The following KIAA0408 variants were observed in gnomAD, a reference collection of about 807,000 sequenced individuals.
KIAA0408 encodes the protein KIAA0408.
KIAA0408 carries 51 observed loss-of-function variants against 60.9 expected under a neutral mutation model. That is an observed-to-expected ratio of 0.84 (90% CI 0.67 to 1.06). KIAA0408 has a LOEUF of 1.06. Ranked by LOEUF, KIAA0408 falls within the 50% of genes least tolerant of loss-of-function variation. The pLI, the probability that KIAA0408 is intolerant of heterozygous loss-of-function variation, is 0.00. For synonymous variants in KIAA0408, 304 were observed against 282.4 expected, an observed-to-expected ratio of 1.08 and a Z score of -0.77; for missense variants, 787 against 833.9, an observed-to-expected ratio of 0.94 and a Z score of 0.69.
chr6:127,453,115 T>C (rs1773330273), intron 2 of KIAA0408, among the ~76,000 whole-genome samples: 1 of 152,090 alleles, frequency 6.6e-6, no homozygotes, highest in South Asian at 2.1e-4. Context: ...ATAAAGTCAA[T>C]ACTAAGGATG....
Position 127,446,596 on chromosome 6 carries a change from CTG to C in KIAA0408, c.1721_1722del (p.Thr574ArgfsTer8), listed in dbSNP as rs1175116428. The C allele has an allele frequency of 6.2e-6, 10 of 1,614,128 alleles. No individual in the cohort carries two copies. Among genetic ancestry groups the C allele is most frequent in the Non-Finnish European group, 8.5e-6 (10 of 1,180,034 alleles). On this transcript the variant is annotated frameshift_variant, in exon 5 of 6. Coordinates refer to ENST00000483725, the MANE Select transcript of KIAA0408 (RefSeq NM_014702.5). LOFTEE classifies it high-confidence loss of function. ...EKLLKTYETA[T>X]ESALQNSKCF... The stretch of plus-strand genomic sequence containing the variant: ...CACTTAGAATTTTGCAATGCAGACT[CTG>C]TTGCTGTCTCATAGGTTTTCAGCAG...
rs536120093 is a variant in KIAA0408 at position 127,450,282 on chromosome 6, T to C, written c.206A>G (p.His69Arg). ...CACTTTCTCTGGAATGGTCTTCTCA[T>C]GGTAAAGATCAATGATCTTAGCACT... ...NESAKIIDLY[H>R]EKTIPEKVIE... The change falls in exon 3 of 6, where the codon CAT (histidine) becomes CGT (arginine). Residue 69 changes from histidine (H) to arginine (R), a missense_variant. Physicochemically the swap from His to Arg is conservative, Grantham distance 29. Coordinates refer to ENST00000483725, the MANE Select transcript of KIAA0408 (RefSeq NM_014702.5). 7 of 1,613,816 alleles carry C rather than the reference T, an allele frequency of 4.3e-6. No individual in the cohort carries two copies. In the East Asian group the frequency reaches 1.6e-4, roughly 36 times the overall value.
chr6:127,440,324 CTTT>C lies in KIAA0408; in HGVS notation c.*3782_*3784del, dbSNP rs5879851. 4 of 124,922 alleles carry C rather than the reference CTTT, an allele frequency of 3.2e-5. No individual in the cohort carries two copies. Among genetic ancestry groups the C allele is most frequent in the Admixed American group, 8.4e-5 (1 of 11,894 alleles). 7.7% of individuals were successfully genotyped at this position (124,922 alleles called of 1,614,324 possible). Reference sequence around the variant, plus strand: ...GATGAACAAGTCATAGTTATAAGTTCTTTTTTTTTTTTTTTTTTGAGACAGAGT... The same window carrying C: ...GATGAACAAGTCATAGTTATAAGTTCTTTTTTTTTTTTTTTGAGACAGAGT... On this transcript the variant is annotated 3_prime_UTR_variant, in exon 6 of 6. Coordinates refer to ENST00000483725, the MANE Select transcript of KIAA0408 (RefSeq NM_014702.5).
intron 1 of KIAA0408, among the ~76,000 whole-genome samples, chr6:127,455,870 A>T (rs998523396): frequency 1.3e-5 from 2 of 152,138 alleles, no homozygotes; most frequent in African/African-American, 4.8e-5. Flanking sequence ...TGCCATAATA[A>T]ATGTCAGTGA....
Position 127,440,172 on chromosome 6 carries a change from A to T in KIAA0408, c.*3937T>A, listed in dbSNP as rs1773081835. The T allele has an allele frequency of 1.3e-5, 2 of 152,176 alleles. No homozygotes were observed. The highest frequency in any genetic ancestry group is 2.9e-5 in the Non-Finnish European group (2 of 68,034). 9.4% of individuals were successfully genotyped at this position (152,176 alleles called of 1,614,324 possible). Reference sequence around the variant, plus strand: ...ATAAAACAAAAAATTATTTTCTATGATGAATATGCATACAATAAAAATGAC... The same window carrying T: ...ATAAAACAAAAAATTATTTTCTATGTTGAATATGCATACAATAAAAATGAC... On this transcript the variant is annotated 3_prime_UTR_variant, in exon 6 of 6. Coordinates refer to ENST00000483725, the MANE Select transcript of KIAA0408 (RefSeq NM_014702.5).
chr6:127,452,496 A>G (rs1156494360), intron 2 of KIAA0408, among the ~76,000 whole-genome samples: 1 of 152,180 alleles, frequency 6.6e-6, no homozygotes, highest in Admixed American at 6.6e-5. Flanking sequence ...CTAATTGATA[A>G]AGCTAATATT....
chr6:127,449,732 C>A, intron 4 of KIAA0408, 90 bp downstream of exon 4: 2 of 1,516,276 alleles, frequency 1.3e-6, no homozygotes, highest in East Asian at 4.6e-5. Flanking sequence ...TTAGTTCTTA[C>A]ATGTAAGGAG....
chr6:127,454,520 A>C (rs1291427533), intron 1 of KIAA0408, among the ~76,000 whole-genome samples: 2 of 152,140 alleles, frequency 1.3e-5, no homozygotes, highest in East Asian at 3.9e-4. Flanking sequence ...TATTCTTATG[A>C]CTTAAATTCC....
rs1272596870 is a variant in KIAA0408, at chr6:127,446,955, T to C, written c.1364A>G (p.Asn455Ser). 4.3e-6 allele frequency: 7 copies of C among 1,613,978 alleles called. No individual in the cohort carries two copies. Among genetic ancestry groups the C allele is most frequent in the Non-Finnish European group, 5.9e-6 (7 of 1,180,020 alleles). Residue 455 changes from asparagine to serine, a missense_variant, in exon 5 of 6, where the codon AAT (asparagine) becomes AGT (serine). Physicochemically the swap from Asn to Ser is conservative, Grantham distance 46. Around this residue, in one of 3 missense-constraint regions of KIAA0408, gnomAD observed 640 missense variants for 681.3 expected, o/e 0.94. Coordinates refer to ENST00000483725, the MANE Select transcript of KIAA0408 (RefSeq NM_014702.5). ...GTGATTTTGCTGTATTGCCTGACAA[T>C]TTCTATCTGTTCTAAATACAGTTCT... ...FNRTVFRTDRNCQAIQQNHSC... is the reference protein window; with the variant it reads ...FNRTVFRTDRSCQAIQQNHSC...
chr6:127,444,727 GCA>G (rs1469146809), intron 5 of KIAA0408, among the ~76,000 whole-genome samples: 1 of 150,774 alleles, frequency 6.6e-6, no homozygotes, highest in Non-Finnish European at 1.5e-5. Flanking sequence ...TACGCAAAAG[GCA>G]CACAAACCAA....
intron 1 of KIAA0408, among the ~76,000 whole-genome samples, chr6:127,456,638 C>G (rs1371434618): frequency 1.3e-5 from 2 of 152,144 alleles, no homozygotes; most frequent in African/African-American, 4.8e-5. Context: ...AGAAACAAGC[C>G]TTTGCAAGAA....
chr6:127,452,390 A>T (rs1238332486), intron 2 of KIAA0408, among the ~76,000 whole-genome samples: 3 of 152,134 alleles, frequency 2.0e-5, no homozygotes, highest in Non-Finnish European at 2.9e-5. Context: ...ACTCTCCAAG[A>T]TAAAAAAATA....
At position 127,454,077 on chromosome 6, in the gene KIAA0408, G is replaced by A. The variant is rs937233536; in HGVS notation, c.-96C>T. 4.8e-6 allele frequency: 7 copies of A among 1,460,442 alleles called. No homozygotes were observed. In the Middle Eastern group the frequency reaches 5.5e-4, roughly 114 times the overall value. 90.5% of individuals were successfully genotyped at this position (1,460,442 alleles called of 1,614,324 possible). A position where few individuals can be genotyped will look rare whatever the true frequency, so the allele number is the denominator to read the frequency against. ...GCTTGAAGTTGTTTTATTTGAAGCA[G>A]TCTCACTTGCCTTTAAAATAAAGCC... On this transcript the variant is annotated 5_prime_UTR_variant, in exon 2 of 6. Coordinates refer to ENST00000483725, the MANE Select transcript of KIAA0408 (RefSeq NM_014702.5).
chr6:127,447,150 T>A lies in KIAA0408; in HGVS notation c.1169A>T (p.Tyr390Phe). 1 of 1,613,798 alleles carries A rather than the reference T, an allele frequency of 6.2e-7. No individual in the cohort carries two copies. The highest frequency in any genetic ancestry group is 8.5e-7 in the Non-Finnish European group (1 of 1,179,914). ...AGGGTGATCTGGGATCACCATTTCA[T>A]ATTTTGGATTACTGGGGGTAGAGCA... is the stretch of plus-strand genomic sequence containing the variant. ...KTCSTPSNPKYEMVIPDHPAK... is the reference protein window; with the variant it reads ...KTCSTPSNPKFEMVIPDHPAK... Residue 390 changes from tyrosine to phenylalanine, a missense_variant, in exon 5 of 6, where the codon TAT (tyrosine) becomes TTT (phenylalanine). By Grantham distance (22) the Tyr-to-Phe change is conservative. Transcript: ENST00000483725.
Position 127,444,132 on chromosome 6 carries a change from G to T in KIAA0408, c.2062C>A (p.Arg688=), listed in dbSNP as rs151145731. The change falls in exon 6 of 6, where the codon CGA becomes AGA. Residue 688 remains arginine (R), a synonymous_variant. Transcript: ENST00000483725. ...RTTHNYTISL[R]SEALMV ...ACTTAAACCATCAATGCTTCGGATC[G>T]CAGAGAAATGGTATAGTTGTGGGTA... 34 of 1,613,804 alleles carry T rather than the reference G, an allele frequency of 2.1e-5. No homozygotes were observed. Among genetic ancestry groups the T allele is most frequent in the Non-Finnish European group, 2.8e-5 (33 of 1,179,942 alleles).
intron 4 of KIAA0408, among the ~76,000 whole-genome samples, chr6:127,448,106 C>T (rs1290358043): frequency 6.6e-6 from 1 of 152,142 alleles, no homozygotes; most frequent in Non-Finnish European, 1.5e-5. Flanking sequence ...CTTACCTTCT[C>T]TCTGCCTGCT....
Position 127,446,938 on chromosome 6 carries a change from G to T in KIAA0408, c.1381C>A (p.Gln461Lys), listed in dbSNP as rs770135090. Residue 461 changes from glutamine to lysine, a missense_variant, in exon 5 of 6, where the codon CAA becomes AAA. Around this residue, in one of 3 missense-constraint regions of KIAA0408, gnomAD observed 640 missense variants for 681.3 expected, o/e 0.94. Transcript: ENST00000483725. ...RTDRNCQAIQ[Q>K]NHSCSKSSED... ...GATGATTTTGAGCAGCTGTGATTTT[G>T]CTGTATTGCCTGACAATTTCTATCT... The T allele has an allele frequency of 3.1e-6, 5 of 1,613,924 alleles. No individual in the cohort carries two copies. The highest frequency in any genetic ancestry group is 4.2e-6 in the Non-Finnish European group (5 of 1,180,006).
chr6:127,448,986 C>T (rs1460861751), intron 4 of KIAA0408, among the ~76,000 whole-genome samples: 2 of 152,146 alleles, frequency 1.3e-5, no homozygotes, highest in East Asian at 3.9e-4. Flanking sequence ...TTTTGTGGCA[C>T]GCGTACATGT....
rs1773079232 is a variant in KIAA0408 at position 127,440,019 on chromosome 6, A to G, written c.*4090T>C. 6.6e-6 allele frequency: 1 copy of G among 152,126 alleles called. No homozygotes were observed. Among genetic ancestry groups the G allele is most frequent in the Non-Finnish European group, 1.5e-5 (1 of 68,038 alleles). 9.4% of individuals were successfully genotyped at this position (152,126 alleles called of 1,614,324 possible). On this transcript the variant is annotated 3_prime_UTR_variant, in exon 6 of 6. Coordinates refer to ENST00000483725, the MANE Select transcript of KIAA0408 (RefSeq NM_014702.5). ...TCCCTCAAAATCTAAACCGTTACCT[A>G]CTTTCTAGATTTCTCCATAGCTTCA...
Sources: allele counts gnomAD v4.1 joint callset (sites outside exome capture counted in the v4.1 genomes callset), GRCh38; gene constraint gnomAD v4.1.1; regional missense constraint gnomAD v4.1.1; transcripts MANE v1.5; gene names NCBI Gene and HGNC (gene_info 2026-07-23, HGNC 2026-07-21).